ULK4: variants seen among roughly 807,000 people sequenced by gnomAD.
ULK4 encodes the protein inactive serine/threonine-protein kinase ULK4.
ULK4 carries 133 observed loss-of-function variants against 160.6 expected under a neutral mutation model. The observed-to-expected ratio is 0.83, with a 90% CI of 0.72 to 0.96. The LOEUF is 0.96. Ranked by LOEUF, ULK4 falls within the 40% of genes least tolerant of loss-of-function variation. The pLI is 0.00. For synonymous variants in ULK4, 534 were observed against 539.8 expected (o/e 0.99, Z 0.15); for missense variants, 1,580 against 1,499.5 (o/e 1.05, Z -0.89).
chr3:41,844,567 C>G (rs562538552), intron 17 of ULK4, among the ~76,000 whole-genome samples: 23 of 152,270 alleles, frequency 1.5e-4, no homozygotes, highest in African/African-American at 4.6e-4. Flanking sequence ...TCCCTGCAAG[C>G]TGAGGGAGCC....
intron 35 of ULK4, among the ~76,000 whole-genome samples, chr3:41,283,499 G>C (rs907604449): frequency 2.6e-5 from 4 of 152,156 alleles, no homozygotes; most frequent in Admixed American, 2.0e-4. Flanking sequence ...CCTTTGCAGG[G>C]ACATGGATGA....
chr3:41,463,054 G>T, intron 33 of ULK4, 33 bp downstream of exon 33: 1 of 1,604,266 alleles, frequency 6.2e-7, no homozygotes. Flanking sequence ...ATGGAGTAGG[G>T]CTGCTCAAGA....
chr3:41,497,661 A>T (rs1220746808), intron 32 of ULK4, among the ~76,000 whole-genome samples: 2 of 152,202 alleles, frequency 1.3e-5, no homozygotes, highest in African/African-American at 4.8e-5. Context: ...TATTGATGAT[A>T]TAAGGGTCAT....
At chr3:41,676,628 CAG>C (rs1233525056) in intron 29 of ULK4, among the ~76,000 whole-genome samples, 4 of 152,020 alleles carry the variant, frequency 2.6e-5, no homozygotes, top group Non-Finnish European at 5.9e-5. Flanking sequence ...TTGGAACTGT[CAG>C]AGAGTAAGCT....
intron 32 of ULK4, among the ~76,000 whole-genome samples, chr3:41,525,529 C>T (rs1203818867): frequency 6.6e-6 from 1 of 152,174 alleles, no homozygotes; most frequent in Non-Finnish European, 1.5e-5. Context: ...GTCTCCCTCC[C>T]AAAGGGCATA....
chr3:41,733,431 C>T (rs2037903445), intron 22 of ULK4, among the ~76,000 whole-genome samples: 1 of 151,984 alleles, frequency 6.6e-6, no homozygotes, highest in Admixed American at 6.6e-5. Context: ...GCTGTGGTGA[C>T]ACTTCAATAA....
chr3:41,810,011 C>T (rs1559570342), intron 19 of ULK4, among the ~76,000 whole-genome samples: 1 of 152,182 alleles, frequency 6.6e-6, no homozygotes, highest in Non-Finnish European at 1.5e-5. Context: ...CCTTTGAATT[C>T]TTGATCACAT....
intron 34 of ULK4, among the ~76,000 whole-genome samples, chr3:41,435,577 T>C (rs1337266067): frequency 2.0e-5 from 3 of 152,222 alleles, no homozygotes; most frequent in Non-Finnish European, 2.9e-5. Context: ...GAACTGAGTA[T>C]GCATACAATT....
intron 6 of ULK4, among the ~76,000 whole-genome samples, chr3:41,918,869 G>A (rs889142667): frequency 1.3e-5 from 2 of 152,042 alleles, no homozygotes; most frequent in African/African-American, 4.8e-5. Flanking sequence ...CCAAAGTGCT[G>A]GGATTACAGG....
intron 35 of ULK4, among the ~76,000 whole-genome samples, chr3:41,276,636 T>C (rs1410710159): frequency 6.6e-6 from 1 of 152,212 alleles, no homozygotes; most frequent in Non-Finnish European, 1.5e-5. Flanking sequence ...AAACAGCTAA[T>C]TATAAACAGA....
At chr3:41,635,286 C>T (rs575052176) in intron 30 of ULK4, among the ~76,000 whole-genome samples, 1 of 152,094 alleles carries the variant, frequency 6.6e-6, no homozygotes, top group Non-Finnish European at 1.5e-5. Flanking sequence ...CCATGAAAAC[C>T]TTAAGATGGA....
intron 27 of ULK4, among the ~76,000 whole-genome samples, chr3:41,700,277 A>G (rs1203716350): frequency 6.6e-6 from 1 of 152,194 alleles, no homozygotes; most frequent in Admixed American, 6.5e-5. Context: ...CTGCCCAGGA[A>G]GCACTTAGCA....
At chr3:41,661,460 C>CATAT (rs10684451) in intron 30 of ULK4, among the ~76,000 whole-genome samples, 1 of 151,006 alleles carries the variant, frequency 6.6e-6, no homozygotes, top group Non-Finnish European at 1.5e-5. Context: ...TACATACACA[C>CATAT]ATATATATAC....
chr3:41,326,451 C>CATATATAT (rs10660377), intron 35 of ULK4, among the ~76,000 whole-genome samples: 3 of 146,644 alleles, frequency 2.0e-5, no homozygotes, highest in African/African-American at 7.4e-5. Flanking sequence ...TGCATATATA[C>CATATATAT]ATATATATAT....
At chr3:41,756,546 C>T (rs57479675) in intron 21 of ULK4, among the ~76,000 whole-genome samples, 46,872 of 151,890 alleles carry the variant, frequency 0.31, 10,408 homozygotes, top group African/African-American at 0.63. Flanking sequence ...AAGATGAGAA[C>T]ATTGAACAAA....
chr3:41,254,446 A>C (rs1329172844), intron 35 of ULK4, among the ~76,000 whole-genome samples: 1 of 152,224 alleles, frequency 6.6e-6, no homozygotes, highest in Non-Finnish European at 1.5e-5. Flanking sequence ...TAGCTGAATG[A>C]AAATGACCTT....
At chr3:41,260,713 C>G (rs542432044) in intron 35 of ULK4, among the ~76,000 whole-genome samples, 84 of 152,280 alleles carry the variant, frequency 5.5e-4, no homozygotes, top group Non-Finnish European at 2.9e-5. Flanking sequence ...AAGAGGTAGG[C>G]CCAGTCACAA....
intron 34 of ULK4, among the ~76,000 whole-genome samples, chr3:41,450,517 G>T (rs1174157304): frequency 6.6e-6 from 1 of 152,104 alleles, no homozygotes; most frequent in Non-Finnish European, 1.5e-5. Flanking sequence ...AGGATAAGTA[G>T]GTTTACTTTC....
intron 30 of ULK4, among the ~76,000 whole-genome samples, chr3:41,642,088 G>A (rs1323324308): frequency 6.7e-6 from 1 of 149,520 alleles, no homozygotes; most frequent in Admixed American, 6.6e-5. Flanking sequence ...TGGTCAGGCT[G>A]GTCTCGAACC....
Sources: gnomAD v4.1 joint callset for allele counts (sites outside exome capture counted in the v4.1 genomes callset) on GRCh38, gnomAD v4.1.1 for gene constraint, MANE v1.5 for transcripts, NCBI Gene and HGNC (gene_info 2026-07-23, HGNC 2026-07-21) for gene names.